Variants in EIF3J observed in about 807,000 individuals in gnomAD.
EIF3J encodes the protein eukaryotic translation initiation factor 3, subunit 1 (alpha, 35kD).
EIF3J carries 15 observed loss-of-function variants against 39.0 expected under a neutral mutation model. The observed-to-expected ratio is 0.38, with a 90% CI of 0.26 to 0.59. The LOEUF (loss-of-function observed/expected upper bound fraction) is 0.59. Among genes scored for constraint, EIF3J ranks in the 20% least tolerant of loss-of-function variants. The probability of loss-of-function intolerance (pLI) is 0.60; values close to 1 mark genes in which losing one functional copy is unlikely to be tolerated. For missense variants in EIF3J, 226 were observed against 308.6 expected (o/e 0.73, Z 2.00); for synonymous variants, 98 against 112.9 (o/e 0.87, Z 0.84).
Position 44,537,444 on chromosome 15 carries a change from G to T in EIF3J, c.147+17G>T. 1 of 1,516,190 alleles carries T rather than the reference G, an allele frequency of 6.6e-7. No individual in the cohort carries two copies. 93.9% of individuals were successfully genotyped at this position (1,516,190 alleles called of 1,614,324 possible). A position where few individuals can be genotyped will look rare whatever the true frequency, so the allele number is the denominator to read the frequency against. On this transcript the variant is annotated intron_variant, in intron 2 of 7. Coordinates refer to ENST00000261868, the MANE Select transcript of EIF3J (RefSeq NM_003758.4). ...GACGTCAAGGTGGGTGCGGGCTAGG[G>T]CGCCGGGCAGCGCGGAAGCGGGCTG...
chr15:44,556,280 TCC>T (rs1404113287), intron 5 of EIF3J, among the ~76,000 whole-genome samples: 1 of 152,186 alleles, frequency 6.6e-6, no homozygotes, highest in African/African-American at 2.4e-5. Flanking sequence ...GTTCCCTCTC[TCC>T]CCACTTTACT....
chr15:44,551,301 T>C, intron 3 of EIF3J, 130 bp from the exon 4 acceptor site: 1 of 662,744 alleles, frequency 1.5e-6, no homozygotes, highest in Non-Finnish European at 2.5e-6. Context: ...TTCCCATTAT[T>C]TGTGAGAAAA....
At chr15:44,549,119 C>T (rs1050721652) in intron 2 of EIF3J, among the ~76,000 whole-genome samples, 10 of 151,972 alleles carry the variant, frequency 6.6e-5, no homozygotes, top group African/African-American at 2.4e-4. Context: ...TCTGGCTGGG[C>T]GAAGTGGCTC....
intron 2 of EIF3J, 45 bp downstream of exon 2, chr15:44,537,472 GCTGTTGCC>G: frequency 6.9e-7 from 1 of 1,454,616 alleles, no homozygotes; most frequent in Non-Finnish European, 9.0e-7. Flanking sequence ...GCGGGCTGGC[GCTGTTGCC>G]GGCCGACTCT....
At chr15:44,549,725 C>A (rs2555351) in intron 2 of EIF3J, among the ~76,000 whole-genome samples, 146,285 of 146,324 alleles carry the variant, frequency 1, 73,123 homozygotes, top group Admixed American at 1. Context: ...TGAGATCGTC[C>A]CTGTATTCCA....
intron 2 of EIF3J, among the ~76,000 whole-genome samples, chr15:44,549,545 G>A (rs1350451568): frequency 6.6e-6 from 1 of 151,878 alleles, no homozygotes; most frequent in Admixed American, 6.6e-5. Context: ...CGAGGCGGGC[G>A]GATCATGAGA....
In EIF3J at chr15:44,554,555, AGAAGAACCC is replaced by A. The variant is rs781051284; in HGVS notation, c.306_314del (p.Glu103_Pro105del). Reference sequence around the variant, plus strand: ...TAAAAACTTTTGTCTCATTTTAGTTAGAAGAACCCGAAGAACCTAAAGTGCTAACACCAG... The same window carrying A: ...TAAAAACTTTTGTCTCATTTTAGTTAGAAGAACCTAAAGTGCTAACACCAG... On this transcript the variant is annotated inframe_deletion, in exon 5 of 8. Coordinates refer to ENST00000261868, the MANE Select transcript of EIF3J (RefSeq NM_003758.4). 53 of 1,604,818 alleles carry A rather than the reference AGAAGAACCC, an allele frequency of 3.3e-5. No individual in the cohort carries two copies. Among genetic ancestry groups the A allele is most frequent in the African/African-American group, 6.7e-5 (5 of 74,434 alleles).
chr15:44,557,677 CTGGGTAGATTTT>C, intron 6 of EIF3J, 27 bp downstream of exon 6: 5 of 1,405,508 alleles, frequency 3.6e-6, no homozygotes, highest in Non-Finnish European at 4.7e-6. Context: ...TCTAGCCCCT[CTGGGTAGATTTT>C]TAGTAGGATG....
rs373690489 is a variant in EIF3J, at chr15:44,541,829, C to G, written c.147+4402C>G. Among the ~76,000 whole-genome samples the G allele has an allele frequency of 3.3e-5, 5 of 152,222 alleles. No individual in the cohort carries two copies. The East Asian group carries it at 5.8e-4, about 18-fold the overall frequency. ...ATAAACCAGTGACCAGTCTTGTCTC[C>G]TCTGTATCCCCACTTTCCTCCTCCA... On this transcript the variant is annotated intron_variant, in intron 2 of 7. Transcript: ENST00000261868.
intron 2 of EIF3J, among the ~76,000 whole-genome samples, chr15:44,546,886 G>T (rs1295728831): frequency 7.7e-6 from 1 of 130,180 alleles, no homozygotes; most frequent in Non-Finnish European, 1.5e-5. Flanking sequence ...GCAGTGGCTC[G>T]ATCCTGGCTC....
At chr15:44,560,963 G>C (rs2082188420) in intron 7 of EIF3J, 55 bp from the exon 8 acceptor site, 1 of 1,593,996 alleles carries the variant, frequency 6.3e-7, no homozygotes, top group South Asian at 1.1e-5. Context: ...TGCTGTACCA[G>C]ATAAGATGCC....
At chr15:44,550,728 A>G in intron 2 of EIF3J, 148 bp from the exon 3 acceptor site, 3 of 577,158 alleles carry the variant, frequency 5.2e-6, no homozygotes, top group Middle Eastern at 4.7e-4. Context: ...GCATTATAAG[A>G]TGTCAATTCC....
At chr15:44,541,369 T>C (rs189462877) in intron 2 of EIF3J, among the ~76,000 whole-genome samples, 4 of 152,340 alleles carry the variant, frequency 2.6e-5, no homozygotes, top group Admixed American at 1.3e-4. Flanking sequence ...CAGAAACTTA[T>C]AGCTGTGTTC....
intron 6 of EIF3J, chr15:44,557,856 AC>A: frequency 3.1e-6 from 1 of 327,288 alleles, no homozygotes; most frequent in Non-Finnish European, 5.4e-6. Flanking sequence ...GGGTAAGAGG[AC>A]TTCTTGTTTT....
chr15:44,549,216 A>G lies in EIF3J; in HGVS notation c.148-1660A>G, dbSNP rs186102621. Among the ~76,000 whole-genome samples, 5 of 151,852 alleles carry G rather than the reference A, an allele frequency of 3.3e-5. No individual in the cohort carries two copies. The South Asian group carries it at 8.3e-4, about 25-fold the overall frequency. On this transcript the variant is annotated intron_variant, in intron 2 of 7. Coordinates refer to ENST00000261868, the MANE Select transcript of EIF3J (RefSeq NM_003758.4). Reference sequence around the variant, plus strand: ...CGAGATCAGCCTGACCAACATGGACAAACCCCATCTCTACTAAAAATACAA... The same window carrying G: ...CGAGATCAGCCTGACCAACATGGACGAACCCCATCTCTACTAAAAATACAA...
intron 2 of EIF3J, among the ~76,000 whole-genome samples, chr15:44,549,289 G>C (rs879881309): frequency 6.6e-6 from 1 of 151,962 alleles, no homozygotes; most frequent in Non-Finnish European, 1.5e-5. Context: ...TGCTTGGGAG[G>C]CTGAGGCAGG....
intron 6 of EIF3J, among the ~76,000 whole-genome samples, chr15:44,560,021 G>T (rs1441783868): frequency 6.6e-6 from 1 of 152,180 alleles, no homozygotes; most frequent in African/African-American, 2.4e-5. Flanking sequence ...AAAATGCTGG[G>T]ATTACAGGCA....
intron 2 of EIF3J, among the ~76,000 whole-genome samples, chr15:44,546,914 T>C (rs567984886): frequency 7.0e-6 from 1 of 141,972 alleles, no homozygotes; most frequent in East Asian, 2.2e-4. Flanking sequence ...CTTCGCCTCC[T>C]GTGCTCAAAT....
chr15:44,561,099 T>G lies in EIF3J; in HGVS notation c.727T>G (p.Tyr243Asp). The change falls in exon 8 of 8, where the codon TAT becomes GAT. Residue 243 changes from tyrosine to aspartate, a missense_variant. Transcript: ENST00000261868. ...KATMKDDLAD[Y>D]GGYDGGYVQD... Reference sequence around the variant, plus strand: ...CACCATGAAAGATGATCTGGCAGATTATGGTGGTTATGATGGAGGATATGT... The same window carrying G: ...CACCATGAAAGATGATCTGGCAGATGATGGTGGTTATGATGGAGGATATGT... 1 of 1,613,462 alleles carries G rather than the reference T, an allele frequency of 6.2e-7. No individual in the cohort carries two copies. The highest frequency in any genetic ancestry group is 8.5e-7 in the Non-Finnish European group (1 of 1,179,748).
Sources: gnomAD v4.1 joint callset for allele counts (sites outside exome capture counted in the v4.1 genomes callset) on GRCh38, gnomAD v4.1.1 for gene constraint, MANE v1.5 for transcripts, NCBI Gene and HGNC (gene_info 2026-07-23, HGNC 2026-07-21) for gene names.